Variants in RANBP2 observed in about 807,000 individuals in gnomAD.
RANBP2 encodes E3 SUMO-protein ligase RanBP2.
RANBP2 carries 57 observed loss-of-function variants against 303.6 expected under a neutral mutation model. The observed-to-expected ratio is 0.19, with a 90% CI of 0.15 to 0.23. The LOEUF is 0.23. Ranked by LOEUF, RANBP2 falls within the 10% of genes least tolerant of loss-of-function variation. The pLI, the probability that RANBP2 is intolerant of heterozygous loss-of-function variation, is 1.00. For missense variants in RANBP2, 3,138 were observed against 3,780.8 expected (o/e 0.83, Z 4.46); for synonymous variants, 1,167 against 1,301.5 (o/e 0.90, Z 2.23).
chr2:109,142,046 G>A, the RANBP2 span, among the ~76,000 whole-genome samples: 1 of 151,466 alleles, frequency 6.6e-6, no homozygotes, highest in Non-Finnish European at 1.5e-5. Flanking sequence ...AGTCTCCTGG[G>A]GGGGGGGTCT....
chr2:109,719,007 T>TAAAAAAAAAAAAAAAAAA, the RANBP2 span, among the ~76,000 whole-genome samples: 1 of 22,606 alleles, frequency 4.4e-5, no homozygotes, highest in Admixed American at 7.3e-4. Context: ...AGACTCCATC[T>TAAAAAAAAAAAAAAAAAA]AAAAAAAAAA....
Position 108,784,208 on chromosome 2 carries a change from A to G in RANBP2, c.*307A>G, listed in dbSNP as rs1296300510. On this transcript the variant is annotated 3_prime_UTR_variant, in exon 29 of 29. Coordinates refer to ENST00000283195, the MANE Select transcript of RANBP2 (RefSeq NM_006267.5). ...TCAAACTATTGAAGGAATATGATAT[A>G]TGCAATTTAATTTTAATTCCTTTTA... is the stretch of plus-strand genomic sequence containing the variant. 4.2e-6 allele frequency: 1 copy of G among 240,674 alleles called. No individual in the cohort carries two copies. The highest frequency in any genetic ancestry group is 8.1e-6 in the Non-Finnish European group (1 of 123,194). The allele number at this position is 240,674 out of a possible 1,614,324, so 14.9% of individuals were successfully genotyped here.
the RANBP2 span, among the ~76,000 whole-genome samples, chr2:109,309,495 A>G: frequency 1.5e-5 from 2 of 129,470 alleles, no homozygotes; most frequent in Admixed American, 1.5e-4. Flanking sequence ...AAATTCACAC[A>G]TAACAATATT....
chr2:109,216,931 A>C, the RANBP2 span, among the ~76,000 whole-genome samples: 2 of 152,094 alleles, frequency 1.3e-5, no homozygotes, highest in Non-Finnish European at 2.9e-5. Flanking sequence ...CTGTCCCCAT[A>C]AACACTTAAC....
chr2:109,444,750 C>A, the RANBP2 span, among the ~76,000 whole-genome samples: 9 of 152,128 alleles, frequency 5.9e-5, no homozygotes, highest in African/African-American at 2.2e-4. Flanking sequence ...GAAAAGTAGA[C>A]AAAGAGCCGC....
chr2:109,092,986 C>A, the RANBP2 span, among the ~76,000 whole-genome samples: 4 of 152,282 alleles, frequency 2.6e-5, no homozygotes, highest in South Asian at 8.3e-4. Context: ...TCCCTGAAAC[C>A]AATACCAGAT....
At chr2:108,889,349 T>A in the RANBP2 span, among the ~76,000 whole-genome samples, 3 of 152,272 alleles carry the variant, frequency 2.0e-5, no homozygotes, top group African/African-American at 4.8e-5. Flanking sequence ...GCTTTTTGAT[T>A]TTCTGTCGAG....
chr2:109,356,517 T>C, the RANBP2 span, among the ~76,000 whole-genome samples: 2 of 152,216 alleles, frequency 1.3e-5, no homozygotes, highest in African/African-American at 4.8e-5. Flanking sequence ...ATGTGCTTTC[T>C]CAATACCAGA....
the RANBP2 span, chr2:108,897,225 A>G: frequency 1.2e-6 from 2 of 1,613,700 alleles, no homozygotes. Flanking sequence ...CCGTGGGGCT[A>G]AGACCTACAG....
rs769332517 is a variant in RANBP2, at chr2:108,731,421, C to G, written c.352C>G (p.Leu118Val). The G allele has an allele frequency of 1.9e-5, 30 of 1,611,340 alleles. No homozygotes were observed. Among genetic ancestry groups the G allele is most frequent in the African/African-American group, 6.7e-5 (5 of 74,814 alleles). ...DVTDGRAKYW[L>V]ERAAKLFPGS... Reference sequence around the variant, plus strand: ...TACTGATGGAAGAGCAAAATACTGGCTTGAAAGAGCAGCCAAACTTTTCCC... The same window carrying G: ...TACTGATGGAAGAGCAAAATACTGGGTTGAAAGAGCAGCCAAACTTTTCCC... Residue 118 changes from leucine to valine, a missense_variant, in exon 4 of 29, where the codon CTT (leucine) becomes GTT (valine). Physicochemically the swap from Leu to Val is conservative, Grantham distance 32 (BLOSUM62 1). Coordinates refer to ENST00000283195, the MANE Select transcript of RANBP2 (RefSeq NM_006267.5).
At chr2:109,453,958 G>A in the RANBP2 span, among the ~76,000 whole-genome samples, 1 of 152,340 alleles carries the variant, frequency 6.6e-6, no homozygotes, top group East Asian at 1.9e-4. Flanking sequence ...CCCTGGGAGG[G>A]CCTCGTTGCC....
chr2:109,376,693 G>A, the RANBP2 span, among the ~76,000 whole-genome samples: 58 of 152,322 alleles, frequency 3.8e-4, no homozygotes, highest in African/African-American at 1.3e-3. Context: ...ATCCTCAATA[G>A]GATATTCAGA....
At chr2:109,402,334 T>C in the RANBP2 span, among the ~76,000 whole-genome samples, 1 of 152,366 alleles carries the variant, frequency 6.6e-6, no homozygotes, top group African/African-American at 2.4e-5. Context: ...TTCCCCACCA[T>C]GCTGGCCACA....
At chr2:109,593,492 G>C in the RANBP2 span, among the ~76,000 whole-genome samples, 2 of 145,860 alleles carry the variant, frequency 1.4e-5, no homozygotes, top group African/African-American at 5.1e-5. Flanking sequence ...TGCAACCTCC[G>C]TCTCCCAGGT....
chr2:109,078,265 C>T, the RANBP2 span, among the ~76,000 whole-genome samples: 6 of 13,332 alleles, frequency 4.5e-4, no homozygotes, highest in South Asian at 7.9e-3. Flanking sequence ...ATATATATAG[C>T]GCGTATATAT....
chr2:109,407,746 TA>T, the RANBP2 span, among the ~76,000 whole-genome samples: 86,077 of 151,424 alleles, frequency 0.57, 24,990 homozygotes, highest in African/African-American at 0.67. Flanking sequence ...CTGGGATGAA[TA>T]AAAAAAAAAT....
At chr2:109,391,725 A>C in the RANBP2 span, among the ~76,000 whole-genome samples, 1 of 152,206 alleles carries the variant, frequency 6.6e-6, no homozygotes, top group Non-Finnish European at 1.5e-5. Flanking sequence ...TCTGTGAATA[A>C]AGGGAAGGGA....
chr2:109,631,952 C>T, the RANBP2 span, among the ~76,000 whole-genome samples: 33,048 of 151,840 alleles, frequency 0.22, 4,036 homozygotes, highest in Admixed American at 0.34. Flanking sequence ...CCAAAAGACC[C>T]GCCCAGCCTG....
the RANBP2 span, among the ~76,000 whole-genome samples, chr2:109,534,545 C>G: frequency 6.6e-6 from 1 of 152,112 alleles, no homozygotes; most frequent in Non-Finnish European, 1.5e-5. Flanking sequence ...TTTGGGAGGC[C>G]GAGGTGAGTG....
Sources: allele counts gnomAD v4.1 joint callset (sites outside exome capture counted in the v4.1 genomes callset), GRCh38; gene constraint gnomAD v4.1.1; transcripts MANE v1.5; gene names NCBI Gene and HGNC (gene_info 2026-07-23, HGNC 2026-07-21).